The following NUCKS1 variants were observed in gnomAD, a reference collection of about 807,000 sequenced individuals.
NUCKS1 encodes nuclear ubiquitous casein and cyclin-dependent kinase substrate 1.
NUCKS1 carries 2 observed loss-of-function variants against 33.0 expected under a neutral mutation model. The ratio of observed to expected loss-of-function variants is 0.06; its 90% CI spans 0.02 to 0.19. The LOEUF is 0.19. NUCKS1 is among the 10% of genes least tolerant of loss of function. NUCKS1 has a pLI of 1.00. For synonymous variants in NUCKS1, 106 were observed against 102.8 expected, an observed-to-expected ratio of 1.03 and a Z score of -0.19; for missense variants, 201 against 293.6, an observed-to-expected ratio of 0.68 and a Z score of 2.31.
rs1359572958 is a variant in NUCKS1, at chr1:205,716,510, T to C, written c.*1770A>G. The C allele has an allele frequency of 6.6e-6, 1 of 152,242 alleles. No individual in the cohort carries two copies. Among genetic ancestry groups the C allele is most frequent in the Non-Finnish European group, 1.5e-5 (1 of 68,046 alleles). 9.4% of individuals were successfully genotyped at this position (152,242 alleles called of 1,614,324 possible). A position where few individuals can be genotyped will look rare whatever the true frequency, so the allele number is the denominator to read the frequency against. ...AAGAGAATGATCCAACTGCTATTTA[T>C]GTTCAAGTCCTGTATTTTTGGCCAT... On this transcript the variant is annotated 3_prime_UTR_variant, in exon 7 of 7. Coordinates refer to ENST00000367142, the MANE Select transcript of NUCKS1 (RefSeq NM_022731.5).
intron 1 of NUCKS1, among the ~76,000 whole-genome samples, chr1:205,736,874 A>T (rs1654047452): frequency 6.6e-6 from 1 of 152,020 alleles, no homozygotes; most frequent in African/African-American, 2.4e-5. Context: ...GTTCTTTACA[A>T]GGAGATGAAT....
chr1:205,736,040 C>CAA (rs1654026201), intron 1 of NUCKS1, among the ~76,000 whole-genome samples: 1 of 152,014 alleles, frequency 6.6e-6, no homozygotes, highest in African/African-American at 2.4e-5. Flanking sequence ...TAGCCTCAAA[C>CAA]TCCTGGACTC....
chr1:205,722,736 T>C (rs1448694806), intron 4 of NUCKS1, among the ~76,000 whole-genome samples: 2 of 152,212 alleles, frequency 1.3e-5, no homozygotes, highest in Non-Finnish European at 2.9e-5. Flanking sequence ...GTGAATAAAT[T>C]TGGTTAAAGG....
Position 205,717,469 on chromosome 1 carries a change from T to G in NUCKS1, c.*811A>C. ...ACATATATATTTAGAGAAGGAAATATGAAATCAAGAGTTTTGGCAGCCCCT... is the reference window on the plus strand; with the variant it reads ...ACATATATATTTAGAGAAGGAAATAGGAAATCAAGAGTTTTGGCAGCCCCT... On this transcript the variant is annotated 3_prime_UTR_variant, in exon 7 of 7. Transcript: ENST00000367142. 1.0e-6 allele frequency: 1 copy of G among 983,644 alleles called. No individual in the cohort carries two copies. The highest frequency in any genetic ancestry group is 4.7e-5 in the South Asian group (1 of 21,224). 60.9% of individuals were successfully genotyped at this position (983,644 alleles called of 1,614,324 possible). A position where few individuals can be genotyped will look rare whatever the true frequency, so the allele number is the denominator to read the frequency against.
At chr1:205,719,963 A>G (rs1024674978) in intron 5 of NUCKS1, among the ~76,000 whole-genome samples, 5 of 152,254 alleles carry the variant, frequency 3.3e-5, no homozygotes, top group Non-Finnish European at 5.9e-5. Flanking sequence ...AAACTATCAA[A>G]TAACTTTTGG....
intron 1 of NUCKS1, among the ~76,000 whole-genome samples, chr1:205,742,684 G>C (rs1654208302): frequency 6.6e-6 from 1 of 152,162 alleles, no homozygotes; most frequent in South Asian, 2.1e-4. Context: ...AATTAGCCGG[G>C]CGTGGTGGCG....
chr1:205,729,692 TTC>T (rs1407859610), intron 1 of NUCKS1, 71 bp from the exon 2 acceptor site: 2 of 1,124,872 alleles, frequency 1.8e-6, no homozygotes, highest in African/African-American at 3.1e-5. Context: ...GAACACACAT[TTC>T]TCTTTCATAA....
chr1:205,725,162 G>C (rs368408584), intron 3 of NUCKS1, among the ~76,000 whole-genome samples: 2 of 152,150 alleles, frequency 1.3e-5, no homozygotes, highest in South Asian at 2.1e-4. Context: ...GATTACAAGC[G>C]TGAGCCACCA....
chr1:205,744,517 A>G (rs987667978), intron 1 of NUCKS1, among the ~76,000 whole-genome samples: 21 of 152,142 alleles, frequency 1.4e-4, no homozygotes, highest in Non-Finnish European at 2.6e-4. Flanking sequence ...CAATTTAGAA[A>G]TCCAAAAAGT....
At chr1:205,749,803 G>GC (rs1226604887) in intron 1 of NUCKS1, among the ~76,000 whole-genome samples, 154 bp downstream of exon 1, 131 of 149,326 alleles carry the variant, frequency 8.8e-4, no homozygotes, top group Non-Finnish European at 1.4e-3. Flanking sequence ...CGCCAGCAGG[G>GC]CCCCCCACGC....
In NUCKS1 at chr1:205,750,021, C is replaced by T. The variant is rs750928729; in HGVS notation, c.-48G>A. 2.9e-6 allele frequency: 3 copies of T among 1,045,716 alleles called. No homozygotes were observed. Among genetic ancestry groups the T allele is most frequent in the Non-Finnish European group, 4.0e-6 (3 of 745,018 alleles). 64.8% of individuals were successfully genotyped at this position (1,045,716 alleles called of 1,614,324 possible). On this transcript the variant is annotated 5_prime_UTR_variant, in exon 1 of 7. Coordinates refer to ENST00000367142, the MANE Select transcript of NUCKS1 (RefSeq NM_022731.5). ...AGTCGAGAAGCCAAAGACCAGGACC[C>T]CCCCCACCCCGCGCGCTCGGCGCCC...
Position 205,750,015 on chromosome 1 carries a change from A to AGGGGGGG in NUCKS1, c.-43_-42insCCCCCCC. On this transcript the variant is annotated 5_prime_UTR_variant, in exon 1 of 7. Transcript: ENST00000367142. ...GGACCGAGTCGAGAAGCCAAAGACCAGGACCCCCCCCACCCCGCGCGCTCG... is the reference window on the plus strand; with the variant it reads ...GGACCGAGTCGAGAAGCCAAAGACCAGGGGGGGGGACCCCCCCCACCCCGCGCGCTCG... 6.6e-7 allele frequency: 1 copy of AGGGGGGG among 1,506,262 alleles called. No individual in the cohort carries two copies. The highest frequency in any genetic ancestry group is 9.0e-7 in the Non-Finnish European group (1 of 1,114,410). 93.3% of individuals were successfully genotyped at this position (1,506,262 alleles called of 1,614,324 possible). A position where few individuals can be genotyped will look rare whatever the true frequency, so the allele number is the denominator to read the frequency against.
intron 1 of NUCKS1, among the ~76,000 whole-genome samples, chr1:205,732,231 G>A (rs529382352): frequency 7.2e-4 from 110 of 152,130 alleles, no homozygotes; most frequent in Non-Finnish European, 1.4e-3. Flanking sequence ...ATATTTTATT[G>A]TAAGAAGCTG....
chr1:205,718,438 G>T lies in NUCKS1; in HGVS notation c.574C>A (p.Pro192Thr). The stretch of plus-strand genomic sequence containing the variant: ...TCCTTTGATGCCTTTGAAGCTGTGG[G>T]GCGACCCACTTTCCCTTTGCCTTTC... ...PVKGKGKVGRPTASKASKEKT... is the reference protein window; with the variant it reads ...PVKGKGKVGRTTASKASKEKT... The change falls in exon 7 of 7, where the codon CCC becomes ACC. Residue 192 changes from proline (P) to threonine (T), a missense_variant. Transcript: ENST00000367142. 1 of 1,612,150 alleles carries T rather than the reference G, an allele frequency of 6.2e-7. No homozygotes were observed. The highest frequency in any genetic ancestry group is 8.5e-7 in the Non-Finnish European group (1 of 1,179,800).
At chr1:205,747,164 G>A (rs1211045077) in intron 1 of NUCKS1, among the ~76,000 whole-genome samples, 1 of 152,032 alleles carries the variant, frequency 6.6e-6, no homozygotes, top group Non-Finnish European at 1.5e-5. Flanking sequence ...GCGATCATGC[G>A]GGTGGGGACC....
At chr1:205,731,341 G>A in intron 1 of NUCKS1, 1 of 152,254 alleles carries the variant, frequency 6.6e-6, no homozygotes, top group African/African-American at 2.4e-5. Context: ...AAAACAGTGA[G>A]AATATCTGCA....
At chr1:205,737,908 T>C (rs929296966) in intron 1 of NUCKS1, among the ~76,000 whole-genome samples, 4 of 152,238 alleles carry the variant, frequency 2.6e-5, no homozygotes, top group Non-Finnish European at 5.9e-5. Context: ...AGTTGGATAT[T>C]ATCAGTATTA....
rs545905577 is a variant in NUCKS1, at chr1:205,744,885, G to A, written c.17+5072C>T. ...GACCTTAGGTGATCTGCCCGCCTCA[G>A]CCTCCCAAAGTGCTGGGATTACAGG... On this transcript the variant is annotated intron_variant, in intron 1 of 6. Coordinates refer to ENST00000367142, the MANE Select transcript of NUCKS1 (RefSeq NM_022731.5). 4.5e-3 allele frequency among the ~76,000 whole-genome samples: 689 copies of A among 152,242 alleles called. 2 individuals are homozygous for A. The highest frequency in any genetic ancestry group is 0.015 in the African/African-American group (640 of 41,540).
chr1:205,744,571 T>A (rs1654264254), intron 1 of NUCKS1, among the ~76,000 whole-genome samples: 3 of 150,650 alleles, frequency 2.0e-5, no homozygotes, highest in Non-Finnish European at 4.4e-5. Context: ...TGGCAAAATA[T>A]GATGACCTAA....
Sources: allele counts gnomAD v4.1 joint callset (sites outside exome capture counted in the v4.1 genomes callset), GRCh38; gene constraint gnomAD v4.1.1; transcripts MANE v1.5; gene names NCBI Gene and HGNC (gene_info 2026-07-23, HGNC 2026-07-21).